Variants in FRMD4A observed in about 807,000 individuals in gnomAD.
FRMD4A encodes FERM domain-containing protein 4A.
In FRMD4A, 29 loss-of-function variants were observed where a neutral mutation model predicts 129.1. The observed-to-expected ratio is 0.22, with a 90% CI of 0.17 to 0.31. FRMD4A has a LOEUF of 0.31. FRMD4A is among the 10% of genes least tolerant of loss of function. FRMD4A has a pLI of 1.00. For synonymous variants in FRMD4A, 634 were observed against 571.6 expected, an observed-to-expected ratio of 1.11 and a Z score of -1.56; for missense variants, 1,272 against 1,375.8, an observed-to-expected ratio of 0.92 and a Z score of 1.19.
intron 2 of FRMD4A, chr10:13,891,668 G>A (rs947832920): frequency 9.1e-6 from 9 of 985,166 alleles, no homozygotes; most frequent in Admixed American, 6.2e-5. Flanking sequence ...ACTTCTGGCT[G>A]CAAGCGGCTG....
In FRMD4A at chr10:14,019,602, C is replaced by G. The variant is rs187111432; in HGVS notation, c.46-160690G>C. On this transcript the variant is annotated intron_variant, in intron 2 of 24. Transcript: ENST00000357447. The stretch of plus-strand genomic sequence containing the variant: ...TTTTCTTTCTAAGCCTTCTAGTACT[C>G]TTCAGCTTTCAAATGTTATGAATAT... 2.7e-4 allele frequency among the ~76,000 whole-genome samples: 41 copies of G among 152,248 alleles called. 1 individual carries two copies. Among genetic ancestry groups the G allele is most frequent in the Admixed American group, 1.3e-3 (20 of 15,290 alleles).
chr10:14,128,153 G>A (rs1453210703), intron 2 of FRMD4A, among the ~76,000 whole-genome samples: 1 of 148,406 alleles, frequency 6.7e-6, no homozygotes, highest in Non-Finnish European at 1.5e-5. Context: ...ACTCAGACTG[G>A]AGTGCAGTGG....
intron 2 of FRMD4A, among the ~76,000 whole-genome samples, chr10:14,056,454 G>T (rs1264006888): frequency 6.7e-6 from 1 of 149,824 alleles, no homozygotes; most frequent in African/African-American, 2.5e-5. Context: ...TGCAGCCTCT[G>T]TCCCAGCGAA....
At position 13,804,325 on chromosome 10, in the gene FRMD4A, TTTTG is replaced by T. The variant is rs769162259; in HGVS notation, c.206+6485_206+6488del. Among the ~76,000 whole-genome samples the T allele has an allele frequency of 7.2e-5, 11 of 152,188 alleles. No homozygotes were observed. In the East Asian group the frequency reaches 1.3e-3, roughly 19 times the overall value. ...CTGCCACTGGAAAATTGCTTTTCTA[TTTTG>T]TTTATTTTTAAATTGTAGATAAGCT... On this transcript the variant is annotated intron_variant, in intron 4 of 24. Transcript: ENST00000357447.
intron 15 of FRMD4A, among the ~76,000 whole-genome samples, chr10:13,688,653 T>C (rs2085341707): frequency 6.6e-6 from 1 of 152,178 alleles, no homozygotes; most frequent in African/African-American, 2.4e-5. Context: ...TTGACTTTTT[T>C]ATTTGAAATG....
chr10:13,916,533 A>G (rs2095008977), intron 2 of FRMD4A, among the ~76,000 whole-genome samples: 1 of 152,206 alleles, frequency 6.6e-6, no homozygotes, highest in African/African-American at 2.4e-5. Flanking sequence ...ACCTAGTCCC[A>G]TAATGACAGT....
At chr10:14,330,307 G>GAAAA (rs35432616) in intron 1 of FRMD4A, 124 bp from the exon 2 acceptor site, 24 of 426,396 alleles carry the variant, frequency 5.6e-5, no homozygotes, top group African/African-American at 2.8e-4. Flanking sequence ...GCTTAGGGAG[G>GAAAA]AAAAAAAAAA....
At chr10:14,169,769 A>G (rs558952461) in intron 2 of FRMD4A, among the ~76,000 whole-genome samples, 1 of 152,320 alleles carries the variant, frequency 6.6e-6, no homozygotes, top group East Asian at 1.9e-4. Flanking sequence ...CTTCAGCTCC[A>G]ACAAATCTCC....
intron 3 of FRMD4A, among the ~76,000 whole-genome samples, chr10:13,825,099 A>G (rs367941669): frequency 5.9e-5 from 9 of 152,230 alleles, no homozygotes; most frequent in East Asian, 3.9e-4. Context: ...CTATACATAC[A>G]TACCTATGAT....
At chr10:13,809,528 T>C (rs2093411233) in intron 4 of FRMD4A, among the ~76,000 whole-genome samples, 1 of 152,202 alleles carries the variant, frequency 6.6e-6, no homozygotes, top group Non-Finnish European at 1.5e-5. Context: ...TTAAAAAAAT[T>C]GCAGTGCTGG....
chr10:13,939,221 T>G (rs1040603187), intron 2 of FRMD4A, among the ~76,000 whole-genome samples: 2 of 152,228 alleles, frequency 1.3e-5, no homozygotes, highest in Non-Finnish European at 2.9e-5. Flanking sequence ...AGGGTGAGAT[T>G]AGGGAGTGAA....
chr10:14,182,991 G>C (rs547969335), intron 2 of FRMD4A, among the ~76,000 whole-genome samples: 13 of 152,196 alleles, frequency 8.5e-5, no homozygotes, highest in Admixed American at 5.2e-4. Flanking sequence ...TTGGTGCGTG[G>C]GGCTGTCGTA....
At chr10:13,805,272 G>C (rs1034950697) in intron 4 of FRMD4A, among the ~76,000 whole-genome samples, 2 of 151,772 alleles carry the variant, frequency 1.3e-5, no homozygotes, top group African/African-American at 2.4e-5. Context: ...GCCTCCCAAC[G>C]TGTTGGGATT....
chr10:14,323,381 ATTATC>A (rs1247281802), intron 2 of FRMD4A, among the ~76,000 whole-genome samples: 1 of 152,224 alleles, frequency 6.6e-6, no homozygotes, highest in African/African-American at 2.4e-5. Flanking sequence ...GGTAGCTATT[ATTATC>A]TTATTTTACA....
chr10:14,011,645 C>T (rs2095682782), intron 2 of FRMD4A, among the ~76,000 whole-genome samples: 1 of 152,058 alleles, frequency 6.6e-6, no homozygotes, highest in South Asian at 2.1e-4. Context: ...TGGCTCTGGG[C>T]CAGCCCTGAG....
At chr10:13,876,595 G>T (rs1160748285) in intron 2 of FRMD4A, among the ~76,000 whole-genome samples, 2 of 152,062 alleles carry the variant, frequency 1.3e-5, no homozygotes, top group African/African-American at 4.8e-5. Context: ...TCAGTGTCCA[G>T]TTTAATCTGT....
chr10:14,253,330 T>C lies in FRMD4A; in HGVS notation c.45+76728A>G, dbSNP rs1054486113. Among the ~76,000 whole-genome samples the C allele has an allele frequency of 3.9e-5, 6 of 152,298 alleles. No individual in the cohort carries two copies. The East Asian group carries it at 7.7e-4, about 20-fold the overall frequency. On this transcript the variant is annotated intron_variant, in intron 2 of 24. Coordinates refer to ENST00000357447, the MANE Select transcript of FRMD4A (RefSeq NM_018027.5). Reference sequence around the variant, plus strand: ...TCTCCTATGAATTTAAGAAACCTGGTTTTATCCCCATATTTTGCCAGCAGC... The same window carrying C: ...TCTCCTATGAATTTAAGAAACCTGGCTTTATCCCCATATTTTGCCAGCAGC...
intron 3 of FRMD4A, among the ~76,000 whole-genome samples, chr10:13,827,959 C>T (rs929165973): frequency 6.6e-6 from 1 of 152,196 alleles, no homozygotes. Context: ...TGCCCAAATA[C>T]CATTTATGCA....
intron 2 of FRMD4A, among the ~76,000 whole-genome samples, chr10:14,081,672 T>C (rs1198552309): frequency 6.6e-6 from 1 of 152,242 alleles, no homozygotes; most frequent in Non-Finnish European, 1.5e-5. Flanking sequence ...TCTTTTATCA[T>C]GCAAAGCTCT....
Sources: gnomAD v4.1 joint callset for allele counts (sites outside exome capture counted in the v4.1 genomes callset) on GRCh38, gnomAD v4.1.1 for gene constraint, MANE v1.5 for transcripts, NCBI Gene and HGNC (gene_info 2026-07-23, HGNC 2026-07-21) for gene names.